Variants in MCTP2 observed in about 807,000 individuals in gnomAD.
The protein encoded by MCTP2 is multiple C2 and transmembrane domain-containing protein 2.
A neutral mutation model predicts 111.6 loss-of-function variants in MCTP2; 132 were observed. The ratio of observed to expected loss-of-function variants is 1.18; its 90% confidence interval spans 1.03 to 1.37. The LOEUF (loss-of-function observed/expected upper bound fraction) is 1.37. MCTP2 is among the 40% of genes most tolerant of loss of function. The probability of loss-of-function intolerance (pLI) is 0.00; values close to 1 mark genes in which losing one functional copy is unlikely to be tolerated. For missense variants in MCTP2, 1,183 were observed against 1,067.9 expected (o/e 1.11, Z -1.50); for synonymous variants, 395 against 387.7 (o/e 1.02, Z -0.22).
chr15:94,257,287 C>G (rs1596198176), intron 1 of MCTP2, among the ~76,000 whole-genome samples: 1 of 152,110 alleles, frequency 6.6e-6, no homozygotes, highest in Non-Finnish European at 1.5e-5. Context: ...GGAACACTAG[C>G]TTCCCAAAGG....
intron 20 of MCTP2, among the ~76,000 whole-genome samples, chr15:94,466,670 C>T (rs916616988): frequency 6.6e-6 from 1 of 152,116 alleles, no homozygotes; most frequent in Non-Finnish European, 1.5e-5. Context: ...ATGCAGACAA[C>T]AGAAAGCAGC....
At chr15:94,435,056 G>A (rs989644914) in intron 17 of MCTP2, among the ~76,000 whole-genome samples, 1 of 151,908 alleles carries the variant, frequency 6.6e-6, no homozygotes, top group African/African-American at 2.4e-5. Flanking sequence ...TAGAGACAGG[G>A]TTTCACCATG....
chr15:94,334,805 C>T (rs987819617), intron 4 of MCTP2, among the ~76,000 whole-genome samples: 1 of 152,136 alleles, frequency 6.6e-6, no homozygotes, highest in Non-Finnish European at 1.5e-5. Context: ...GCCTTGACCT[C>T]TCAAAGTGCT....
chr15:94,446,932 A>T (rs967675193), intron 19 of MCTP2, among the ~76,000 whole-genome samples: 2 of 152,260 alleles, frequency 1.3e-5, no homozygotes, highest in Admixed American at 6.5e-5. Context: ...TTAAGAAAAT[A>T]AGAAACATCT....
rs1567603257 is a variant in MCTP2 at position 94,390,104 on chromosome 15, A to ACG, written c.1788+4579_1788+4580insCG. Reference sequence around the variant, plus strand: ...TATATATATATGTATATATATATATATATATATATGTATATATATATATAT... The same window carrying ACG: ...TATATATATATGTATATATATATATACGTATATATATGTATATATATATATAT... On this transcript the variant is annotated intron_variant, in intron 14 of 22. Coordinates refer to ENST00000357742, the MANE Select transcript of MCTP2 (RefSeq NM_001385001.1). Among the ~76,000 whole-genome samples the ACG allele has an allele frequency of 5.6e-3, 226 of 40,098 alleles. 4 individuals are homozygous for ACG. The highest frequency in any genetic ancestry group is 0.029 in the Middle Eastern group (2 of 68). The allele number at this position is 40,098 out of a possible 152,430, so 26.3% of individuals were successfully genotyped here. A position where few individuals can be genotyped will look rare whatever the true frequency, so the allele number is the denominator to read the frequency against.
intron 1 of MCTP2, among the ~76,000 whole-genome samples, chr15:94,262,964 C>T (rs867804542): frequency 6.6e-6 from 1 of 152,210 alleles, no homozygotes; most frequent in African/African-American, 2.4e-5. Flanking sequence ...TGCCACTGCA[C>T]CTGGCCTTAT....
At chr15:94,474,283 T>C (rs2074168297) in intron 21 of MCTP2, among the ~76,000 whole-genome samples, 1 of 152,180 alleles carries the variant, frequency 6.6e-6, no homozygotes, top group African/African-American at 2.4e-5. Context: ...CTCACTTCCT[T>C]TGTCTCCTTA....
At chr15:94,365,752 T>C (rs558115892) in intron 10 of MCTP2, among the ~76,000 whole-genome samples, 1 of 152,058 alleles carries the variant, frequency 6.6e-6, no homozygotes, top group Non-Finnish European at 1.5e-5. Flanking sequence ...TTTTGGCTGC[T>C]CAAAGAACCA....
intron 1 of MCTP2, among the ~76,000 whole-genome samples, chr15:94,240,070 T>A (rs915233450): frequency 6.6e-6 from 1 of 152,124 alleles, no homozygotes; most frequent in Non-Finnish European, 1.5e-5. Context: ...TTGGTAGTTT[T>A]TTTTTTGTTT....
At chr15:94,284,079 T>G (rs2074631601) in intron 1 of MCTP2, among the ~76,000 whole-genome samples, 1 of 152,224 alleles carries the variant, frequency 6.6e-6, no homozygotes, top group African/African-American at 2.4e-5. Context: ...GAGAATAGTT[T>G]GGCAATACCT....
chr15:94,454,407 C>CACTT (rs904120906), intron 19 of MCTP2, among the ~76,000 whole-genome samples: 15 of 152,098 alleles, frequency 9.9e-5, no homozygotes, highest in African/African-American at 2.9e-4. Flanking sequence ...GTAGTGTCCA[C>CACTT]ACTTACAATA....
At chr15:94,388,361 T>G (rs940213885) in intron 14 of MCTP2, among the ~76,000 whole-genome samples, 1 of 152,190 alleles carries the variant, frequency 6.6e-6, no homozygotes, top group African/African-American at 2.4e-5. Context: ...TTCCAATTCC[T>G]GACTGATAAA....
At chr15:94,459,522 TAC>T (rs527952143) in intron 20 of MCTP2, among the ~76,000 whole-genome samples, 74 of 152,354 alleles carry the variant, frequency 4.9e-4, no homozygotes, top group African/African-American at 1.6e-3. Context: ...TTATTGAATT[TAC>T]AGTTATACCC....
rs558902946 is a variant in MCTP2, at chr15:94,337,004, A to G, written c.638-2286A>G. 2.6e-5 allele frequency among the ~76,000 whole-genome samples: 4 copies of G among 152,206 alleles called. No individual in the cohort carries two copies. The East Asian group carries it at 7.7e-4, about 29-fold the overall frequency. On this transcript the variant is annotated intron_variant, in intron 4 of 22. Coordinates refer to ENST00000357742, the MANE Select transcript of MCTP2 (RefSeq NM_001385001.1). The stretch of plus-strand genomic sequence containing the variant: ...TGAAGCTCCCAGTGAACAAGGTTAA[A>G]GTCCACCCATTCAGGTGTCATCTCA...
At chr15:94,321,896 T>C (rs1230294850) in intron 4 of MCTP2, among the ~76,000 whole-genome samples, 1 of 152,194 alleles carries the variant, frequency 6.6e-6, no homozygotes, top group Non-Finnish European at 1.5e-5. Flanking sequence ...GAAGAAGTGT[T>C]AAGAAAATCA....
At chr15:94,343,962 C>A (rs982864621) in intron 7 of MCTP2, 1 of 151,732 alleles carries the variant, frequency 6.6e-6, no homozygotes, top group Non-Finnish European at 1.5e-5. Flanking sequence ...AAATGCGTTC[C>A]TATGTGTCAA....
At chr15:94,236,675 T>C (rs2070591309) in intron 1 of MCTP2, among the ~76,000 whole-genome samples, 1 of 152,166 alleles carries the variant, frequency 6.6e-6, no homozygotes, top group African/African-American at 2.4e-5. Flanking sequence ...CTAGTTGTGC[T>C]AAATATTATG....
chr15:94,470,539 T>C, intron 21 of MCTP2, 97 bp downstream of exon 21: 2 of 942,678 alleles, frequency 2.1e-6, no homozygotes, highest in Non-Finnish European at 3.4e-6. Context: ...TGTGCTCTTG[T>C]TGGCAATTAA....
At chr15:94,407,779 AC>A (rs1567646151) in intron 17 of MCTP2, among the ~76,000 whole-genome samples, 40 of 52,260 alleles carry the variant, frequency 7.7e-4, no homozygotes, top group Non-Finnish European at 9.2e-5. Flanking sequence ...ACTTGTGCAC[AC>A]ACACACACAC....
Sources: allele counts gnomAD v4.1 joint callset (sites outside exome capture counted in the v4.1 genomes callset), GRCh38; gene constraint gnomAD v4.1.1; transcripts MANE v1.5; gene names NCBI Gene and HGNC (gene_info 2026-07-23, HGNC 2026-07-21).